The following DNMT1 variants were observed in gnomAD, a reference collection of about 807,000 sequenced individuals.
DNMT1 encodes the protein DNA methyltransferase 1.
In DNMT1, 24 loss-of-function variants were observed where a neutral mutation model predicts 205.3. The ratio of observed to expected loss-of-function variants is 0.12; its 90% CI spans 0.08 to 0.16. The LOEUF is 0.16. DNMT1 is among the 10% of genes least tolerant of loss of function. The pLI is 1.00. For synonymous variants in DNMT1, 817 were observed against 839.8 expected (o/e 0.97, Z 0.47); for missense variants, 1,293 against 2,177.7 (o/e 0.59, Z 8.09).
At chr19:10,184,979 T>C (rs1315943770) in intron 1 of DNMT1, among the ~76,000 whole-genome samples, 1 of 152,240 alleles carries the variant, frequency 6.6e-6, no homozygotes. Flanking sequence ...TTACAACAGC[T>C]GCTCTGGGTC....
At chr19:10,136,994 C>T in intron 37 of DNMT1, 91 bp downstream of exon 37, 1 of 1,523,470 alleles carries the variant, frequency 6.6e-7, no homozygotes, top group African/African-American at 1.4e-5. Flanking sequence ...TGTCTGTGCC[C>T]TGCCCTGGCC....
At chr19:10,194,627 G>C in intron 1 of DNMT1, 193 bp downstream of exon 1, 1 of 658,186 alleles carries the variant, frequency 1.5e-6, no homozygotes, top group South Asian at 2.6e-5. Flanking sequence ...GGTCCATTTT[G>C]GCGCCAAACA....
chr19:10,141,977 T>C (rs756548712), intron 30 of DNMT1, 51 bp downstream of exon 30: 1 of 1,603,726 alleles, frequency 6.2e-7, no homozygotes, highest in East Asian at 2.2e-5. Flanking sequence ...TCAGACTCCT[T>C]CTGGCCAACT....
Position 10,155,793 on chromosome 19 carries a change from AAGG to A in DNMT1, c.1492+57_1492+59del, listed in dbSNP as rs367821718. On this transcript the variant is annotated intron_variant, in intron 19 of 40. Transcript: ENST00000359526. ...CACCAGAGCCCCGTCAGCCCCCAGG[AAGG>A]AGAACATGAAGGCCCCTTTCAGACC... is the stretch of plus-strand genomic sequence containing the variant. 4.9e-5 allele frequency: 75 copies of A among 1,544,840 alleles called. 1 individual carries two copies. The African/African-American group carries it at 6.0e-4, about 12-fold the overall frequency.
intron 8 of DNMT1, among the ~76,000 whole-genome samples, chr19:10,173,648 C>T (rs536877554): frequency 6.6e-6 from 1 of 152,020 alleles, no homozygotes; most frequent in Non-Finnish European, 1.5e-5. Flanking sequence ...CATTCCACCA[C>T]GCCCAGCTAA....
chr19:10,146,426 T>G lies in DNMT1; in HGVS notation c.2819A>C (p.Tyr940Ser), dbSNP rs2038204124. 6.2e-6 allele frequency: 10 copies of G among 1,613,876 alleles called. No homozygotes were observed. Among genetic ancestry groups the G allele is most frequent in the Non-Finnish European group, 8.5e-6 (10 of 1,179,966 alleles). The change falls in exon 28 of 41, where the codon TAC becomes TCC. Residue 940 changes from tyrosine to serine, a missense_variant. By Grantham distance (144) the Tyr-to-Ser change is moderately radical (BLOSUM62 -2). Coordinates refer to ENST00000359526, the MANE Select transcript of DNMT1 (RefSeq NM_001130823.3). The surrounding 1 kb of genome is among the most constrained non-coding windows in gnomAD (Gnocchi z 4.4). ...CAGGATGCCGTTCTTGGTGGCTGAG[T>G]AGTAGAGGACCCGGCTATCCAGGTC... ...LEDLDSRVLY[Y>S]SATKNGILYR...
At position 10,182,022 on chromosome 19, in the gene DNMT1, A is replaced by G. The variant is rs77954383; in HGVS notation, c.117+19T>C. 6,530 of 1,610,574 alleles carry G rather than the reference A, an allele frequency of 4.1e-3. 135 individuals are homozygous for G. The highest frequency in any genetic ancestry group is 0.035 in the East Asian group (1,573 of 44,778). On this transcript the variant is annotated intron_variant, in intron 2 of 40. Coordinates refer to ENST00000359526, the MANE Select transcript of DNMT1 (RefSeq NM_001130823.3). ...TCAGTCAGATTTGGTAATAAGAAAAATTTTAAGGTGGAGATTACCTTTTCT... is the reference window on the plus strand; with the variant it reads ...TCAGTCAGATTTGGTAATAAGAAAAGTTTTAAGGTGGAGATTACCTTTTCT...
rs201497993 is a variant in DNMT1, at chr19:10,140,196, G to T, written c.3656C>A (p.Thr1219Asn). 2.5e-6 allele frequency: 4 copies of T among 1,614,000 alleles called. No homozygotes were observed. The highest frequency in any genetic ancestry group is 3.4e-6 in the Non-Finnish European group (4 of 1,180,036). The change falls in exon 33 of 41, where the codon ACC becomes AAC. Residue 1219 changes from threonine (T) to asparagine (N), a missense_variant. Thr to Asn is a moderately conservative substitution (Grantham distance 65, BLOSUM62 0). Around this residue, in one of 13 missense-constraint regions of DNMT1, gnomAD observed 24 missense variants for 27.2 expected, o/e 0.88. Transcript: ENST00000359526. The surrounding 1 kb of genome is among the most constrained non-coding windows in gnomAD (Gnocchi z 8.4). Reference protein sequence around the residue: ...ILLKLVMAGETTNSRGQRLPQ... With the variant: ...ILLKLVMAGENTNSRGQRLPQ... ...CAGCCGCTGGCCGCGGGAGTTGGTG[G>T]TCTCCCCAGCCATGACCAGCTTCAG...
rs561192989 is a variant in DNMT1 at position 10,181,679 on chromosome 19, A to G, written c.117+362T>C. The stretch of plus-strand genomic sequence containing the variant: ...CCCCATCTCTACTAATAATATAAAA[A>G]TTAGCTGGGCATGGTGGTGCGTGCC... On this transcript the variant is annotated intron_variant, in intron 2 of 40. Transcript: ENST00000359526. Among the ~76,000 whole-genome samples the G allele has an allele frequency of 2.0e-5, 3 of 152,040 alleles. No individual in the cohort carries two copies. The South Asian group carries it at 6.2e-4, about 32-fold the overall frequency.
At chr19:10,136,944 T>C in intron 37 of DNMT1, 141 bp downstream of exon 37, 1 of 1,174,292 alleles carries the variant, frequency 8.5e-7, no homozygotes, top group Non-Finnish European at 1.2e-6. Context: ...CTACTCAACA[T>C]GGTCAGCAGC....
intron 13 of DNMT1, among the ~76,000 whole-genome samples, chr19:10,161,863 GAC>G (rs1369818097): frequency 1.3e-5 from 2 of 152,122 alleles, no homozygotes; most frequent in African/African-American, 2.4e-5. Flanking sequence ...TTGGTTTTGA[GAC>G]AGAGTCTTGC....
intron 7 of DNMT1, 27 bp downstream of exon 7, chr19:10,175,513 G>C (rs2038923219): frequency 6.2e-7 from 1 of 1,612,684 alleles, no homozygotes; most frequent in Non-Finnish European, 8.5e-7. Flanking sequence ...TTAAGGTAGA[G>C]TCAGGAAATG....
intron 1 of DNMT1, among the ~76,000 whole-genome samples, chr19:10,182,533 G>GTA (rs747553377): frequency 5.6e-5 from 8 of 144,130 alleles, no homozygotes; most frequent in African/African-American, 7.7e-5. Context: ...GTGTATATGT[G>GTA]TATATATACA....
rs903037402 is a variant in DNMT1, at chr19:10,159,389, T to C, written c.1280+269A>G. Among the ~76,000 whole-genome samples, 1 of 152,120 alleles carries C rather than the reference T, an allele frequency of 6.6e-6. No homozygotes were observed. The highest frequency in any genetic ancestry group is 2.4e-5 in the African/African-American group (1 of 41,418). ...TACCACCACACCTGGCTACTTTTTG[T>C]ATTTTCGGTAGGTTTCGCCATGTTG... On this transcript the variant is annotated intron_variant, in intron 17 of 40. Coordinates refer to ENST00000359526, the MANE Select transcript of DNMT1 (RefSeq NM_001130823.3). The surrounding 1 kb of genome is among the most constrained non-coding windows in gnomAD (Gnocchi z 5.0).
chr19:10,166,464 A>C, intron 11 of DNMT1, 134 bp downstream of exon 11: 1 of 1,054,896 alleles, frequency 9.5e-7, no homozygotes, highest in Admixed American at 2.0e-5. Flanking sequence ...ACCTTCCCAG[A>C]GTCTGGATGG....
In DNMT1 at chr19:10,154,242, C is replaced by T; in HGVS notation, c.2019+51G>A. The T allele has an allele frequency of 6.3e-7, 1 of 1,588,426 alleles. No homozygotes were observed. Among genetic ancestry groups the T allele is most frequent in the Non-Finnish European group, 8.6e-7 (1 of 1,157,184 alleles). ...AAGATGGAGCAGTCCTCAGATCAGG[C>T]CAGAGGCTGGGCCACCTTAGGGGAG... On this transcript the variant is annotated intron_variant, in intron 22 of 40. Coordinates refer to ENST00000359526, the MANE Select transcript of DNMT1 (RefSeq NM_001130823.3). The surrounding 1 kb of genome is among the most constrained non-coding windows in gnomAD (Gnocchi z 6.3).
Position 10,137,361 on chromosome 19 carries a change from C to T in DNMT1, c.4294-81G>A, listed in dbSNP as rs2089506880. 2.7e-6 allele frequency: 4 copies of T among 1,504,836 alleles called. No homozygotes were observed. The South Asian group carries it at 4.8e-5, about 18-fold the overall frequency. 93.2% of individuals were successfully genotyped at this position (1,504,836 alleles called of 1,614,324 possible). On this transcript the variant is annotated intron_variant, in intron 36 of 40. Coordinates refer to ENST00000359526, the MANE Select transcript of DNMT1 (RefSeq NM_001130823.3). This position sits in a 1 kb window ranked among gnomAD's most constrained non-coding sequence, Gnocchi z 6.4. Reference sequence around the variant, plus strand: ...CATGGTGGGCTGGGAGCTGGGAACACCATGGTGACCAGGAAGCCCCCTGGG... The same window carrying T: ...CATGGTGGGCTGGGAGCTGGGAACATCATGGTGACCAGGAAGCCCCCTGGG...
chr19:10,139,781 C>T lies in DNMT1; in HGVS notation c.3843G>A (p.Leu1281=). The stretch of plus-strand genomic sequence containing the variant: ...AGGAGACAAAGTTCCTGACATTCTC[C>T]AGGAGGAAGAACCGGGGCCGGTAGT... The part of the protein sequence containing the change: ...CDYYRPRFFL[L]ENVRNFVSFK... The change falls in exon 34 of 41, where the codon CTG becomes CTA. Residue 1281 remains leucine (L), a synonymous_variant. Transcript: ENST00000359526. 6.2e-7 allele frequency: 1 copy of T among 1,602,226 alleles called. No individual in the cohort carries two copies. Among genetic ancestry groups the T allele is most frequent in the Non-Finnish European group, 8.5e-7 (1 of 1,174,870 alleles).
Position 10,143,903 on chromosome 19 carries a change from G to A in DNMT1, c.2979C>T (p.Ser993=), listed in dbSNP as rs771269343. The change falls in exon 29 of 41, where the codon TCC becomes TCT. Residue 993 remains serine (S), a synonymous_variant. Coordinates refer to ENST00000359526, the MANE Select transcript of DNMT1 (RefSeq NM_001130823.3). ...CCAGGTTGCTGCCTTTGATGTAGTC[G>A]GAGTATTTCCGGTAGTGCTCTGGGT... ...DLYPEHYRKY[S]DYIKGSNLDA... The A allele has an allele frequency of 6.8e-6, 11 of 1,614,056 alleles. No individual in the cohort carries two copies. Among genetic ancestry groups the A allele is most frequent in the African/African-American group, 2.7e-5 (2 of 74,924 alleles).
Sources: gnomAD v4.1 joint callset for allele counts (sites outside exome capture counted in the v4.1 genomes callset) on GRCh38, gnomAD v4.1.1 for gene constraint, gnomAD v4.1.1 regional missense constraint, Gnocchi (gnomAD v3.1) non-coding constraint, MANE v1.5 for transcripts, NCBI Gene and HGNC (gene_info 2026-07-23, HGNC 2026-07-21) for gene names.